The following PIP5K1B variants were observed in gnomAD, a reference collection of about 807,000 sequenced individuals.
The protein encoded by PIP5K1B is phosphatidylinositol 4-phosphate 5-kinase type-1 beta.
PIP5K1B carries 42 observed loss-of-function variants against 67.0 expected under a neutral mutation model. The observed-to-expected ratio is 0.63, with a 90% CI of 0.49 to 0.81. The LOEUF (loss-of-function observed/expected upper bound fraction) is 0.81, where lower values mean the gene tolerates loss of function less well. Among genes scored for constraint, PIP5K1B ranks in the 30% least tolerant of loss-of-function variants. The pLI, the probability that PIP5K1B is intolerant of heterozygous loss-of-function variation, is 0.00. For missense variants in PIP5K1B, 459 were observed against 646.3 expected (o/e 0.71, Z 3.14); for synonymous variants, 214 against 231.4 (o/e 0.92, Z 0.68).
At chr9:68,944,526 G>C (rs1055588516) in intron 14 of PIP5K1B, among the ~76,000 whole-genome samples, 3 of 152,166 alleles carry the variant, frequency 2.0e-5, no homozygotes, top group Non-Finnish European at 4.4e-5. Context: ...GGTTTGGTTG[G>C]TGGCTATTTC....
chr9:68,774,338 G>A (rs1002550821), intron 2 of PIP5K1B, among the ~76,000 whole-genome samples: 1 of 152,046 alleles, frequency 6.6e-6, no homozygotes, highest in Non-Finnish European at 1.5e-5. Flanking sequence ...TCTCTCTACT[G>A]TCAAGCTAGT....
chr9:68,972,946 A>G (rs1389149069), intron 14 of PIP5K1B, among the ~76,000 whole-genome samples: 2 of 152,324 alleles, frequency 1.3e-5, no homozygotes, highest in African/African-American at 2.4e-5. Flanking sequence ...AGGACATCTA[A>G]TAGGTGCCTT....
intron 15 of PIP5K1B, among the ~76,000 whole-genome samples, chr9:69,001,261 G>A (rs960112596): frequency 6.6e-6 from 1 of 152,012 alleles, no homozygotes; most frequent in African/African-American, 2.4e-5. Flanking sequence ...GGCCTCTGGT[G>A]CATTCCTTCC....
At chr9:68,913,597 A>G (rs909430671) in intron 8 of PIP5K1B, among the ~76,000 whole-genome samples, 2 of 152,200 alleles carry the variant, frequency 1.3e-5, no homozygotes, top group African/African-American at 4.8e-5. Flanking sequence ...ATATATGCAT[A>G]TACATTTCTC....
chr9:69,003,826 C>T (rs187056672), intron 15 of PIP5K1B, among the ~76,000 whole-genome samples: 2 of 152,262 alleles, frequency 1.3e-5, no homozygotes, highest in East Asian at 3.9e-4. Context: ...GTTGGGAAGC[C>T]CTCCTGGGAG....
chr9:68,926,097 GTTTCCAA>G (rs1826686693), intron 12 of PIP5K1B, among the ~76,000 whole-genome samples: 1 of 151,778 alleles, frequency 6.6e-6, no homozygotes, highest in Non-Finnish European at 1.5e-5. Flanking sequence ...GCCCTGCTGT[GTTTCCAA>G]TTTTTAAGAA....
rs749775516 is a variant in PIP5K1B at position 68,863,965 on chromosome 9, C to T, written c.198C>T (p.Pro66=). The T allele has an allele frequency of 1.7e-5, 28 of 1,612,924 alleles. No individual in the cohort carries two copies. The highest frequency in any genetic ancestry group is 2.4e-5 in the Non-Finnish European group (28 of 1,179,490). Residue 66 remains proline, a splice_region_variant and synonymous_variant, in exon 5 of 16, where the codon CCC becomes CCT. Transcript: ENST00000265382. ...DFYVVESVFL[P]SEGSNLTPAH... is the part of the protein sequence containing the mutation. ...ATGTGGTGGAAAGTGTGTTCCTACC[C>T]AGGTAAGAACATTTTTATTTGTGAT...
At chr9:68,806,261 C>T (rs977536264) in intron 2 of PIP5K1B, among the ~76,000 whole-genome samples, 1 of 152,170 alleles carries the variant, frequency 6.6e-6, no homozygotes, top group Non-Finnish European at 1.5e-5. Flanking sequence ...GAAGCTTGCA[C>T]GCCTTGCCAT....
intron 2 of PIP5K1B, among the ~76,000 whole-genome samples, chr9:68,774,555 T>A (rs1353754972): frequency 6.6e-6 from 1 of 152,230 alleles, no homozygotes; most frequent in African/African-American, 2.4e-5. Flanking sequence ...TAGAAACGTG[T>A]ATACATTTCA....
chr9:68,935,079 G>T, intron 13 of PIP5K1B, 34 bp downstream of exon 13: 1 of 1,576,058 alleles, frequency 6.3e-7, no homozygotes. Flanking sequence ...AAAGACAAAC[G>T]TTCTTGTGAT....
chr9:68,814,342 T>A (rs564585290), intron 2 of PIP5K1B, among the ~76,000 whole-genome samples: 1 of 152,124 alleles, frequency 6.6e-6, no homozygotes, highest in African/African-American at 2.4e-5. Context: ...AGCAAAGAAA[T>A]AATGAGTAAA....
chr9:68,925,056 C>A (rs11144354), intron 12 of PIP5K1B, among the ~76,000 whole-genome samples: 1 of 151,904 alleles, frequency 6.6e-6, no homozygotes, highest in Non-Finnish European at 1.5e-5. Context: ...TTTTTCATAT[C>A]ATTGTATATT....
At chr9:68,726,418 T>A (rs1335966764) in intron 1 of PIP5K1B, among the ~76,000 whole-genome samples, 1 of 152,224 alleles carries the variant, frequency 6.6e-6, no homozygotes, top group Non-Finnish European at 1.5e-5. Context: ...AAATTGGATC[T>A]GTACTCATGA....
At chr9:68,725,156 C>T (rs952344228) in intron 1 of PIP5K1B, among the ~76,000 whole-genome samples, 1 of 152,178 alleles carries the variant, frequency 6.6e-6, no homozygotes, top group African/African-American at 2.4e-5. Context: ...GAGTTTATCT[C>T]CTGGTCTCAT....
chr9:68,893,368 C>T (rs1358483582), intron 7 of PIP5K1B, among the ~76,000 whole-genome samples: 1 of 138,126 alleles, frequency 7.2e-6, no homozygotes, highest in Non-Finnish European at 1.5e-5. Flanking sequence ...GAGTCTCGCT[C>T]TGTCACCCCG....
intron 14 of PIP5K1B, among the ~76,000 whole-genome samples, chr9:68,954,170 G>A (rs867704109): frequency 1.3e-4 from 20 of 152,094 alleles, no homozygotes; most frequent in Non-Finnish European, 2.4e-4. Context: ...TTTCCCAGTG[G>A]TAGCTCAGGA....
intron 2 of PIP5K1B, among the ~76,000 whole-genome samples, chr9:68,745,127 C>G (rs1829223560): frequency 6.6e-6 from 1 of 152,210 alleles, no homozygotes; most frequent in Admixed American, 6.5e-5. Context: ...AAGTCCCAAA[C>G]AAGGTCACAG....
At chr9:68,854,127 C>CT (rs36079285) in intron 4 of PIP5K1B, among the ~76,000 whole-genome samples, 5,367 of 106,942 alleles carry the variant, frequency 0.05, 349 homozygotes, top group African/African-American at 0.13. Flanking sequence ...AAACAGAAAA[C>CT]TTTTTTTTTT....
At chr9:68,946,770 G>A (rs1421389550) in intron 14 of PIP5K1B, among the ~76,000 whole-genome samples, 2 of 152,128 alleles carry the variant, frequency 1.3e-5, no homozygotes, top group African/African-American at 4.8e-5. Context: ...TCAGATGGTG[G>A]TGGGTAAAGA....
Sources: gnomAD v4.1 joint callset for allele counts (sites outside exome capture counted in the v4.1 genomes callset) on GRCh38, gnomAD v4.1.1 for gene constraint, MANE v1.5 for transcripts, NCBI Gene and HGNC (gene_info 2026-07-23, HGNC 2026-07-21) for gene names.